Variants in TENM2 observed in about 807,000 individuals in gnomAD.
TENM2 encodes the protein teneurin transmembrane protein 2, also known as teneurin-2.
A neutral mutation model predicts 245.2 loss-of-function variants in TENM2; 52 were observed. The observed-to-expected ratio is 0.21, with a 90% CI of 0.17 to 0.27. TENM2 has a LOEUF of 0.27. Among genes scored for constraint, TENM2 ranks in the 10% least tolerant of loss-of-function variants. TENM2 has a pLI of 1.00. For synonymous variants in TENM2, 1,363 were observed against 1,438.9 expected, an observed-to-expected ratio of 0.95 and a Z score of 1.19; for missense variants, 3,046 against 3,666.8, an observed-to-expected ratio of 0.83 and a Z score of 4.37.
chr5:168,261,250 G>C (rs1318590878), intron 28 of TENM2, among the ~76,000 whole-genome samples: 1 of 152,150 alleles, frequency 6.6e-6, no homozygotes, highest in Non-Finnish European at 1.5e-5. Context: ...TAATTTGCGA[G>C]TGGAGAACTC....
Position 168,211,380 on chromosome 5 carries a change from C to T in TENM2, c.3825-354C>T, listed in dbSNP as rs576845055. Among the ~76,000 whole-genome samples the T allele has an allele frequency of 5.9e-5, 9 of 152,372 alleles. No homozygotes were observed. In the South Asian group the frequency reaches 1.7e-3, roughly 28 times the overall value. ...CAAAATCCTTCTACCACCACACTCC[C>T]AGTGGCCATTACTGGCCAACACATG... On this transcript the variant is annotated intron_variant, in intron 19 of 28. Transcript: ENST00000518659.
intron 9 of TENM2, among the ~76,000 whole-genome samples, chr5:168,103,865 G>A (rs1794022194): frequency 6.6e-6 from 1 of 152,174 alleles, no homozygotes; most frequent in African/African-American, 2.4e-5. Context: ...ACTGTTGGCA[G>A]GGAGTAACCC....
chr5:167,628,574 CTG>C (rs1217101223), intron 2 of TENM2, among the ~76,000 whole-genome samples: 3 of 152,186 alleles, frequency 2.0e-5, no homozygotes, highest in African/African-American at 7.2e-5. Context: ...GTCATAGCCA[CTG>C]ATTCCCTCCA....
chr5:167,695,737 A>C (rs988125446), intron 2 of TENM2, among the ~76,000 whole-genome samples: 4 of 151,734 alleles, frequency 2.6e-5, no homozygotes, highest in Admixed American at 2.0e-4. Flanking sequence ...AAAAAAAAAA[A>C]AAACAAAACA....
the TENM2 span, among the ~76,000 whole-genome samples, chr5:167,030,333 C>T: frequency 6.6e-6 from 1 of 152,156 alleles, no homozygotes; most frequent in African/African-American, 2.4e-5. Flanking sequence ...ATCCAAATTT[C>T]TGAGTTTGAA....
intron 12 of TENM2, chr5:168,149,457 T>C (rs1443708238): frequency 4.4e-6 from 2 of 456,692 alleles, no homozygotes; most frequent in African/African-American, 4.0e-5. Flanking sequence ...ATAGACTGTA[T>C]GTCTAATTGT....
intron 2 of TENM2, among the ~76,000 whole-genome samples, chr5:167,392,052 C>T (rs775190659): frequency 2.0e-5 from 3 of 152,072 alleles, no homozygotes; most frequent in Non-Finnish European, 4.4e-5. Context: ...CTTTAGGGTT[C>T]CCTGATGGCT....
chr5:167,302,237 G>A (rs754199115), intron 1 of TENM2, among the ~76,000 whole-genome samples: 10 of 152,094 alleles, frequency 6.6e-5, no homozygotes, highest in Non-Finnish European at 2.9e-5. Flanking sequence ...AACTACTGTC[G>A]AGTTTATATT....
chr5:167,814,062 GC>G (rs1435756399), intron 2 of TENM2, among the ~76,000 whole-genome samples: 3 of 152,068 alleles, frequency 2.0e-5, no homozygotes, highest in African/African-American at 7.2e-5. Context: ...GATGCTCAAG[GC>G]TAGTTCAATG....
chr5:167,030,428 C>T, the TENM2 span, among the ~76,000 whole-genome samples: 18 of 152,308 alleles, frequency 1.2e-4, no homozygotes, highest in Admixed American at 5.2e-4. Flanking sequence ...TCAGTGGCCG[C>T]CTTAGGTGGA....
the TENM2 span, among the ~76,000 whole-genome samples, chr5:167,271,043 G>A: frequency 1.3e-5 from 2 of 152,220 alleles, no homozygotes; most frequent in Non-Finnish European, 1.5e-5. Context: ...TGCATCCTCT[G>A]CACACTGTGA....
chr5:167,855,517 C>T (rs1770983009), intron 2 of TENM2, among the ~76,000 whole-genome samples: 1 of 151,860 alleles, frequency 6.6e-6, no homozygotes, highest in African/African-American at 2.4e-5. Flanking sequence ...GTGTTGATTG[C>T]CCCTTCTCTA....
intron 1 of TENM2, among the ~76,000 whole-genome samples, chr5:167,374,013 A>G (rs751741565): frequency 2.0e-4 from 31 of 152,174 alleles, no homozygotes; most frequent in Non-Finnish European, 4.1e-4. Context: ...AGTGAGGCCA[A>G]CTTGTGGCTT....
intron 27 of TENM2, among the ~76,000 whole-genome samples, chr5:168,251,227 G>A (rs758613320): frequency 1.2e-4 from 19 of 152,148 alleles, no homozygotes; most frequent in Non-Finnish European, 2.4e-4. Context: ...CTGCCAAGAC[G>A]CAAACAAAAT....
intron 2 of TENM2, among the ~76,000 whole-genome samples, chr5:167,600,088 T>TAGCCAACACTGCACCA (rs1314946515): frequency 6.0e-5 from 9 of 149,544 alleles, no homozygotes; most frequent in East Asian, 2.0e-4. Flanking sequence ...GGAGTTTGCT[T>TAGCCAACACTGCACCA]CATTTATAGG....
At chr5:167,152,197 G>A in the TENM2 span, among the ~76,000 whole-genome samples, 1 of 152,126 alleles carries the variant, frequency 6.6e-6, no homozygotes, top group African/African-American at 2.4e-5. Context: ...TCTTCACAAG[G>A]AAACTTACAT....
chr5:167,951,802 T>C (rs141155629), intron 3 of TENM2, among the ~76,000 whole-genome samples: 320 of 152,218 alleles, frequency 2.1e-3, no homozygotes, highest in African/African-American at 7.5e-3. Flanking sequence ...TATATGTGTA[T>C]ATTACACATA....
At chr5:167,940,407 G>GT (rs1436256359) in intron 3 of TENM2, among the ~76,000 whole-genome samples, 1 of 152,130 alleles carries the variant, frequency 6.6e-6, no homozygotes, top group Non-Finnish European at 1.5e-5. Context: ...AGACAAATGA[G>GT]TTTTTTAAAA....
chr5:167,770,186 G>A (rs968398736), intron 2 of TENM2, among the ~76,000 whole-genome samples: 1 of 152,176 alleles, frequency 6.6e-6, no homozygotes, highest in African/African-American at 2.4e-5. Flanking sequence ...CCTACCTCAT[G>A]GAGAATCCAT....
Sources: gnomAD v4.1 joint callset for allele counts (sites outside exome capture counted in the v4.1 genomes callset) on GRCh38, gnomAD v4.1.1 for gene constraint, MANE v1.5 for transcripts, NCBI Gene and HGNC (gene_info 2026-07-23, HGNC 2026-07-21) for gene names.